The following MINDY4 variants were observed in gnomAD, a reference collection of about 807,000 sequenced individuals.
MINDY4 encodes the protein MINDY lysine 48 deubiquitinase 4.
A neutral mutation model predicts 87.0 loss-of-function variants in MINDY4; 68 were observed. The observed-to-expected ratio is 0.78, with a 90% CI of 0.64 to 0.96. MINDY4 has a LOEUF of 0.96. Among genes scored for constraint, MINDY4 ranks in the 40% least tolerant of loss-of-function variants. The probability of loss-of-function intolerance (pLI) is 0.00; values close to 1 mark genes in which losing one functional copy is unlikely to be tolerated. For synonymous variants in MINDY4, 379 were observed against 363.2 expected, an observed-to-expected ratio of 1.04 and a Z score of -0.50; for missense variants, 919 against 928.2, an observed-to-expected ratio of 0.99 and a Z score of 0.13.
intron 15 of MINDY4, among the ~76,000 whole-genome samples, chr7:30,876,198 T>G (rs1394993656): frequency 6.6e-6 from 1 of 152,164 alleles, no homozygotes; most frequent in East Asian, 1.9e-4. Context: ...TTGGCATTCC[T>G]CGACCATATA....
In MINDY4 at chr7:30,839,251, T is replaced by A; in HGVS notation, c.1291T>A (p.Trp431Arg). Residue 431 changes from tryptophan to arginine, a missense_variant, in exon 8 of 18, where the codon TGG (tryptophan) becomes AGG (arginine). By Grantham distance (101) the Trp-to-Arg change is moderately radical. Transcript: ENST00000265299. ...GSSFCCFNEE[W>R]KLQSFSFSNT... The stretch of plus-strand genomic sequence containing the variant: ...CAGCTTTTGCTGTTTCAATGAAGAA[T>A]GGAAACTTCAGAGTTTTTCCTTTAG... 6.2e-7 allele frequency: 1 copy of A among 1,613,000 alleles called. No homozygotes were observed. Among genetic ancestry groups the A allele is most frequent in the East Asian group, 2.2e-5 (1 of 44,860 alleles).
At chr7:30,845,854 A>G (rs760969762) in intron 9 of MINDY4, among the ~76,000 whole-genome samples, 19 of 152,178 alleles carry the variant, frequency 1.2e-4, no homozygotes, top group African/African-American at 3.4e-4. Flanking sequence ...GACTCATTCC[A>G]TCAGGCCGGC....
At chr7:30,776,878 G>A (rs997577098) in intron 1 of MINDY4, among the ~76,000 whole-genome samples, 11 of 152,206 alleles carry the variant, frequency 7.2e-5, no homozygotes, top group Non-Finnish European at 1.3e-4. Flanking sequence ...CATGACAGGT[G>A]TTTGTTGGGC....
intron 9 of MINDY4, among the ~76,000 whole-genome samples, chr7:30,845,023 C>T (rs890358501): frequency 1.3e-5 from 2 of 152,192 alleles, no homozygotes; most frequent in Admixed American, 1.3e-4. Flanking sequence ...TCACATCTGG[C>T]ATCCCTGGCA....
chr7:30,814,835 CTA>C (rs1421808196), intron 5 of MINDY4, among the ~76,000 whole-genome samples: 2 of 152,216 alleles, frequency 1.3e-5, no homozygotes, highest in Non-Finnish European at 1.5e-5. Flanking sequence ...TTTCAAATGG[CTA>C]TGAGGTCAAC....
In MINDY4 at chr7:30,873,609, C is replaced by A. The variant is rs547135285; in HGVS notation, c.1809+1303C>A. On this transcript the variant is annotated intron_variant, in intron 14 of 17. Coordinates refer to ENST00000265299, the MANE Select transcript of MINDY4 (RefSeq NM_032222.3). ...CCCAGGGAGGGCGATTCTGCTGGTC[C>A]ATGGACCACACTGAGTAGAAAGGGA... is the stretch of plus-strand genomic sequence containing the variant. Among the ~76,000 whole-genome samples the A allele has an allele frequency of 9.8e-5, 15 of 152,316 alleles. No individual in the cohort carries two copies. In the South Asian group the frequency reaches 3.1e-3, roughly 32 times the overall value.
chr7:30,887,763 G>T (rs1790676615), intron 17 of MINDY4, among the ~76,000 whole-genome samples: 1 of 152,214 alleles, frequency 6.6e-6, no homozygotes. Context: ...TTGGAGCCTG[G>T]CCTGGGTGCT....
chr7:30,886,299 T>C (rs568130761), intron 17 of MINDY4, among the ~76,000 whole-genome samples: 1 of 152,232 alleles, frequency 6.6e-6, no homozygotes, highest in Non-Finnish European at 1.5e-5. Context: ...AACAGCTGAG[T>C]AAGACTTGGC....
At chr7:30,805,978 C>A (rs1435496235) in intron 5 of MINDY4, among the ~76,000 whole-genome samples, 1 of 152,136 alleles carries the variant, frequency 6.6e-6, no homozygotes, top group East Asian at 1.9e-4. Flanking sequence ...ACAGTGCTGA[C>A]AATACCAGAG....
At chr7:30,885,087 C>G (rs901117263) in intron 17 of MINDY4, among the ~76,000 whole-genome samples, 1 of 152,248 alleles carries the variant, frequency 6.6e-6, no homozygotes, top group African/African-American at 2.4e-5. Flanking sequence ...CCCACCATCT[C>G]CTTGAGCAGT....
intron 5 of MINDY4, among the ~76,000 whole-genome samples, chr7:30,822,284 C>G (rs1788358036): frequency 6.6e-6 from 1 of 151,790 alleles, no homozygotes; most frequent in South Asian, 2.1e-4. Context: ...TTCAAGGGAT[C>G]CTCCCACAGT....
At chr7:30,861,227 C>T (rs1291364398) in intron 13 of MINDY4, among the ~76,000 whole-genome samples, 1 of 152,252 alleles carries the variant, frequency 6.6e-6, no homozygotes, top group Non-Finnish European at 1.5e-5. Flanking sequence ...CTTTGTCTTA[C>T]ACTGTGGCCT....
At chr7:30,801,029 A>G (rs982716171) in intron 5 of MINDY4, among the ~76,000 whole-genome samples, 1 of 152,190 alleles carries the variant, frequency 6.6e-6, no homozygotes, top group Admixed American at 6.5e-5. Context: ...AGACAAGTGC[A>G]TCCCAAACTC....
chr7:30,876,771 C>A (rs947002290), intron 15 of MINDY4, among the ~76,000 whole-genome samples: 2 of 152,136 alleles, frequency 1.3e-5, no homozygotes, highest in Non-Finnish European at 2.9e-5. Context: ...TGGCCACCCC[C>A]TGCAAAGATT....
chr7:30,835,027 A>C (rs1337917093), intron 6 of MINDY4, among the ~76,000 whole-genome samples: 2 of 152,206 alleles, frequency 1.3e-5, no homozygotes, highest in Non-Finnish European at 2.9e-5. Context: ...AAACTGTTCC[A>C]GCTTCTGCCT....
At chr7:30,890,202 T>C (rs757525095) in intron 17 of MINDY4, among the ~76,000 whole-genome samples, 5 of 152,258 alleles carry the variant, frequency 3.3e-5, no homozygotes, top group Non-Finnish European at 7.3e-5. Flanking sequence ...CAACCTTTTA[T>C]GCCGAGTGTT....
intron 4 of MINDY4, among the ~76,000 whole-genome samples, chr7:30,789,489 A>G (rs1021515252): frequency 6.6e-6 from 1 of 152,212 alleles, no homozygotes; most frequent in African/African-American, 2.4e-5. Context: ...GTATTTCATC[A>G]TATTTACTAC....
intron 5 of MINDY4, among the ~76,000 whole-genome samples, chr7:30,798,893 G>A (rs1170829745): frequency 1.3e-5 from 2 of 152,302 alleles, no homozygotes; most frequent in South Asian, 2.1e-4. Flanking sequence ...GTCCACACAT[G>A]TGAGCAGTGA....
intron 2 of MINDY4, 132 bp from the exon 3 acceptor site, chr7:30,781,845 A>T (rs1384389935): frequency 1.5e-6 from 1 of 654,974 alleles, no homozygotes; most frequent in African/African-American, 1.8e-5. Flanking sequence ...TGGCCAGTAA[A>T]TGTTGGCTGA....
Sources: allele counts gnomAD v4.1 joint callset (sites outside exome capture counted in the v4.1 genomes callset), GRCh38; gene constraint gnomAD v4.1.1; transcripts MANE v1.5; gene names NCBI Gene and HGNC (gene_info 2026-07-23, HGNC 2026-07-21).